Variants in CNTN3 observed in about 807,000 individuals in gnomAD.
CNTN3 encodes contactin 3.
CNTN3 carries 60 observed loss-of-function variants against 119.1 expected under a neutral mutation model. The observed-to-expected ratio is 0.50, with a 90% CI of 0.41 to 0.62. The LOEUF (loss-of-function observed/expected upper bound fraction) is 0.62, where lower values mean the gene tolerates loss of function less well. CNTN3 is among the 20% of genes least tolerant of loss of function. CNTN3 has a pLI of 0.00. For missense variants in CNTN3, 1,101 were observed against 1,242.4 expected, an observed-to-expected ratio of 0.89 and a Z score of 1.71; for synonymous variants, 450 against 438.7, an observed-to-expected ratio of 1.03 and a Z score of -0.32.
intron 19 of CNTN3, among the ~76,000 whole-genome samples, chr3:74,285,866 C>A (rs1483883733): frequency 5.6e-5 from 7 of 126,062 alleles, no homozygotes; most frequent in African/African-American, 2.0e-4. Flanking sequence ...CAAAGTGTTA[C>A]CATTAATATT....
intron 4 of CNTN3, among the ~76,000 whole-genome samples, chr3:74,445,456 G>A (rs1160688687): frequency 6.6e-6 from 1 of 151,980 alleles, no homozygotes; most frequent in South Asian, 2.1e-4. Flanking sequence ...TAGAGACGGG[G>A]TTTCACCATG....
chr3:74,286,337 G>A (rs142977506), intron 19 of CNTN3, among the ~76,000 whole-genome samples: 1 of 152,086 alleles, frequency 6.6e-6, no homozygotes, highest in East Asian at 1.9e-4. Context: ...TAAAATAACT[G>A]TTTAACATGT....
chr3:74,458,559 T>C (rs6549596), intron 4 of CNTN3, among the ~76,000 whole-genome samples: 108,002 of 151,868 alleles, frequency 0.71, 38,768 homozygotes, highest in African/African-American at 0.8. Context: ...TCAGTAGCTA[T>C]GAGACCATAT....
At chr3:74,472,395 TAA>T (rs1367836697) in intron 4 of CNTN3, among the ~76,000 whole-genome samples, 1 of 152,190 alleles carries the variant, frequency 6.6e-6, no homozygotes, top group Non-Finnish European at 1.5e-5. Flanking sequence ...AAATTTAGAT[TAA>T]GTTACCTGTC....
At chr3:74,514,740 T>C (rs1703423287) in intron 2 of CNTN3, among the ~76,000 whole-genome samples, 1 of 152,094 alleles carries the variant, frequency 6.6e-6, no homozygotes, top group African/African-American at 2.4e-5. Flanking sequence ...GTATCCAGTG[T>C]TAGATTTGTA....
chr3:74,459,208 C>A (rs1702321647), intron 4 of CNTN3, among the ~76,000 whole-genome samples: 1 of 151,916 alleles, frequency 6.6e-6, no homozygotes, highest in Non-Finnish European at 1.5e-5. Flanking sequence ...CATGTTGCCT[C>A]TTCCTACATG....
intron 1 of CNTN3, among the ~76,000 whole-genome samples, chr3:74,576,472 A>T (rs1038966888): frequency 2.6e-5 from 4 of 152,192 alleles, no homozygotes; most frequent in East Asian, 1.9e-4. Flanking sequence ...AGAGAAAAAA[A>T]AATAATTCTT....
At chr3:74,418,359 T>TTTTTTTTG (rs1701561183) in intron 5 of CNTN3, among the ~76,000 whole-genome samples, 1 of 148,152 alleles carries the variant, frequency 6.7e-6, no homozygotes, top group Non-Finnish European at 1.5e-5. Flanking sequence ...TTTTTTTTTT[T>TTTTTTTTG]GAGTCAGAGT....
At chr3:74,560,767 A>G (rs1308280853) in intron 1 of CNTN3, among the ~76,000 whole-genome samples, 2 of 152,128 alleles carry the variant, frequency 1.3e-5, no homozygotes, top group African/African-American at 4.8e-5. Flanking sequence ...AAGACTTGGA[A>G]TCAACCCAAA....
At chr3:74,480,647 A>T (rs1249163675) in intron 4 of CNTN3, among the ~76,000 whole-genome samples, 1 of 152,064 alleles carries the variant, frequency 6.6e-6, no homozygotes, top group African/African-American at 2.4e-5. Context: ...TTTTCCTTAA[A>T]AATAAAAAAA....
intron 4 of CNTN3, among the ~76,000 whole-genome samples, chr3:74,473,516 C>T (rs1702602552): frequency 6.6e-6 from 1 of 152,176 alleles, no homozygotes; most frequent in African/African-American, 2.4e-5. Flanking sequence ...AAGAGATTAG[C>T]TTTGGTAATA....
rs1703945072 is a variant in CNTN3 at position 74,548,485 on chromosome 3, TATAGTA to T, written c.-80-27299_-80-27294del. On this transcript the variant is annotated intron_variant, in intron 1 of 22. Transcript: ENST00000263665. ...CCAAAGAATTTGTTGACTCTGACTATATAGTAAAATACTTTAGTAATCCTGGAATAA... is the reference window on the plus strand; with the variant it reads ...CCAAAGAATTTGTTGACTCTGACTATAAATACTTTAGTAATCCTGGAATAA... Among the ~76,000 whole-genome samples the T allele has an allele frequency of 3.3e-5, 5 of 152,340 alleles. No homozygotes were observed. In the Middle Eastern group the frequency reaches 0.014, roughly 415 times the overall value.
chr3:74,346,159 A>C (rs1490487966), intron 11 of CNTN3, among the ~76,000 whole-genome samples: 2 of 152,212 alleles, frequency 1.3e-5, no homozygotes, highest in African/African-American at 4.8e-5. Flanking sequence ...AATACAATAA[A>C]GTATAAGTTT....
chr3:74,451,499 G>A (rs1212391956), intron 4 of CNTN3, among the ~76,000 whole-genome samples: 2 of 152,086 alleles, frequency 1.3e-5, no homozygotes, highest in African/African-American at 4.8e-5. Context: ...CTTTTGCCGT[G>A]CAGAAGCTCT....
intron 11 of CNTN3, among the ~76,000 whole-genome samples, chr3:74,359,407 T>C (rs1353553906): frequency 6.6e-6 from 1 of 152,142 alleles, no homozygotes; most frequent in Non-Finnish European, 1.5e-5. Context: ...AAACGGAGGT[T>C]CAGAGGTATT....
chr3:74,330,544 T>A (rs1042500296), intron 13 of CNTN3, among the ~76,000 whole-genome samples: 20 of 152,224 alleles, frequency 1.3e-4, no homozygotes, highest in African/African-American at 4.8e-4. Context: ...TAAATGACCA[T>A]GTTAATAGTT....
In CNTN3 at chr3:74,286,830, T is replaced by C. The variant is rs181619807; in HGVS notation, c.2518-1339A>G. On this transcript the variant is annotated intron_variant, in intron 19 of 22. Coordinates refer to ENST00000263665, the MANE Select transcript of CNTN3 (RefSeq NM_020872.3). Reference sequence around the variant, plus strand: ...CCAGACACCTGAGAGATACAGGCTATCTTCTTGAGCAGTCGTGAGTGACTA... The same window carrying C: ...CCAGACACCTGAGAGATACAGGCTACCTTCTTGAGCAGTCGTGAGTGACTA... Among the ~76,000 whole-genome samples the C allele has an allele frequency of 6.2e-4, 95 of 152,324 alleles. 1 individual carries two copies. The highest frequency in any genetic ancestry group is 2.2e-3 in the African/African-American group (92 of 41,586).
chr3:74,436,767 A>G (rs1371064134), intron 4 of CNTN3, among the ~76,000 whole-genome samples: 1 of 152,186 alleles, frequency 6.6e-6, no homozygotes, highest in Non-Finnish European at 1.5e-5. Flanking sequence ...CAAAACAAAA[A>G]TCTTCATTCT....
chr3:74,571,246 T>C (rs1031214168), intron 1 of CNTN3, among the ~76,000 whole-genome samples: 2 of 152,186 alleles, frequency 1.3e-5, no homozygotes, highest in African/African-American at 4.8e-5. Context: ...CTGCAGATAG[T>C]GTTCTAGCAG....
Sources: gnomAD v4.1 joint callset for allele counts (sites outside exome capture counted in the v4.1 genomes callset) on GRCh38, gnomAD v4.1.1 for gene constraint, MANE v1.5 for transcripts, NCBI Gene and HGNC (gene_info 2026-07-23, HGNC 2026-07-21) for gene names.